Variants in AP1G1 observed in about 807,000 individuals in gnomAD.
AP1G1 encodes the protein adaptor related protein complex 1 subunit gamma 1.
Under a neutral mutation model 108.3 loss-of-function variants are expected in AP1G1, and 7 were observed. That is an observed-to-expected ratio of 0.06 (90% CI 0.04 to 0.12). The LOEUF (loss-of-function observed/expected upper bound fraction) is 0.12. AP1G1 is among the 10% of genes least tolerant of loss of function. AP1G1 has a pLI of 1.00. For missense variants in AP1G1, 756 were observed against 1,010.7 expected (o/e 0.75, Z 3.42); for synonymous variants, 379 against 353.5 (o/e 1.07, Z -0.81).
At chr16:71,756,664 G>A (rs548018496) in intron 11 of AP1G1, among the ~76,000 whole-genome samples, 180 of 152,250 alleles carry the variant, frequency 1.2e-3, no homozygotes, top group African/African-American at 4.0e-3. Context: ...ATTCAAGGCC[G>A]AGCGTGGTGG....
intron 4 of AP1G1, 24 bp from the exon 5 acceptor site, chr16:71,771,276 C>T (rs1039959106): frequency 1.1e-5 from 15 of 1,388,932 alleles, no homozygotes; most frequent in Non-Finnish European, 1.5e-5. Context: ...AATAAAAGAA[C>T]AAAAGGTTTA....
In AP1G1 at chr16:71,789,327, T is replaced by G; in HGVS notation, c.153A>C (p.Ala51=). ...EDNTYRCRNV[A]KLLYMHMLGY... ...CCAGCATGTGCATATACAGTAATTT[T>G]GCCACATTCCGACATCGGTATGTAT... The change falls in exon 2 of 23, where the codon GCA becomes GCC. Residue 51 remains alanine, a synonymous_variant. Transcript: ENST00000299980. 6.2e-7 allele frequency: 1 copy of G among 1,614,236 alleles called. No homozygotes were observed. The highest frequency in any genetic ancestry group is 1.3e-5 in the African/African-American group (1 of 75,064).
At chr16:71,782,439 C>G (rs2032056724) in intron 2 of AP1G1, among the ~76,000 whole-genome samples, 1 of 151,742 alleles carries the variant, frequency 6.6e-6, no homozygotes, top group Non-Finnish European at 1.5e-5. Flanking sequence ...ACTGAGATTA[C>G]AAGTTTAGTC....
intron 6 of AP1G1, among the ~76,000 whole-genome samples, chr16:71,768,841 C>A (rs2145479752): frequency 6.9e-6 from 1 of 145,424 alleles, no homozygotes; most frequent in Non-Finnish European, 1.5e-5. Context: ...TGGCATGAAC[C>A]CGGGAGGCGG....
At chr16:71,780,375 TCAA>T (rs1393243969) in intron 2 of AP1G1, among the ~76,000 whole-genome samples, 1 of 151,898 alleles carries the variant, frequency 6.6e-6, no homozygotes, top group African/African-American at 2.4e-5. Flanking sequence ...ACCTGTAGTC[TCAA>T]CTACTCAGGA....
At chr16:71,778,331 C>T (rs1034384671) in intron 2 of AP1G1, among the ~76,000 whole-genome samples, 1 of 152,168 alleles carries the variant, frequency 6.6e-6, no homozygotes, top group Non-Finnish European at 1.5e-5. Flanking sequence ...ACTCTGATCA[C>T]ACTTTATACT....
At chr16:71,769,401 TGA>T in intron 6 of AP1G1, 2 of 496,850 alleles carry the variant, frequency 4.0e-6, no homozygotes, top group South Asian at 3.8e-5. Context: ...CTGCCAACAA[TGA>T]GAGAAGACTT....
intron 10 of AP1G1, 33 bp downstream of exon 10, chr16:71,761,479 T>C (rs1009046801): frequency 1.4e-6 from 2 of 1,411,318 alleles, no homozygotes; most frequent in Non-Finnish European, 2.0e-6. Flanking sequence ...GCTTATAATA[T>C]CCAAGATAAA....
chr16:71,808,799 G>T lies in AP1G1; in HGVS notation c.-40C>A. On this transcript the variant is annotated 5_prime_UTR_variant, in exon 1 of 23. Transcript: ENST00000299980. ...CTCGAATGAAACCAGCAGCTCCGGG[G>T]GCGGCGGCAGCAGTGGCAGCAGGAA... is the stretch of plus-strand genomic sequence containing the variant. 7.8e-7 allele frequency: 1 copy of T among 1,289,734 alleles called. No homozygotes were observed. Among genetic ancestry groups the T allele is most frequent in the African/African-American group, 1.5e-5 (1 of 66,004 alleles). 79.9% of individuals were successfully genotyped at this position (1,289,734 alleles called of 1,614,324 possible).
At chr16:71,807,472 A>G (rs1187714249) in intron 1 of AP1G1, among the ~76,000 whole-genome samples, 1 of 152,238 alleles carries the variant, frequency 6.6e-6, no homozygotes, top group Non-Finnish European at 1.5e-5. Flanking sequence ...TTTTTATTCA[A>G]GCATGCTAGA....
chr16:71,785,296 G>C (rs541882488), intron 2 of AP1G1, among the ~76,000 whole-genome samples: 1 of 152,244 alleles, frequency 6.6e-6, no homozygotes, highest in East Asian at 1.9e-4. Flanking sequence ...CAATAACTAG[G>C]CTGGGTGTGG....
chr16:71,748,577 T>C (rs912125667), intron 15 of AP1G1, among the ~76,000 whole-genome samples, 199 bp from the exon 16 acceptor site: 1 of 152,048 alleles, frequency 6.6e-6, no homozygotes, highest in Admixed American at 6.6e-5. Flanking sequence ...AAAAGTGCTC[T>C]GGTTCTATCA....
chr16:71,802,000 C>CA (rs1481107590), intron 1 of AP1G1, among the ~76,000 whole-genome samples: 3 of 150,226 alleles, frequency 2.0e-5, no homozygotes, highest in African/African-American at 7.3e-5. Flanking sequence ...TAGGGATGTA[C>CA]AAGTGGTGTA....
intron 2 of AP1G1, among the ~76,000 whole-genome samples, chr16:71,784,194 C>CT (rs1340876055): frequency 6.6e-6 from 1 of 152,162 alleles, no homozygotes; most frequent in African/African-American, 2.4e-5. Context: ...CAAAATGTGT[C>CT]TAACACTTAT....
intron 1 of AP1G1, among the ~76,000 whole-genome samples, chr16:71,795,439 C>T (rs1282525594): frequency 6.6e-6 from 1 of 152,188 alleles, no homozygotes; most frequent in Admixed American, 6.5e-5. Context: ...ACTACTGTGT[C>T]AGTCACAGAA....
At chr16:71,796,574 T>C (rs1217292865) in intron 1 of AP1G1, among the ~76,000 whole-genome samples, 1 of 152,162 alleles carries the variant, frequency 6.6e-6, no homozygotes, top group Non-Finnish European at 1.5e-5. Context: ...TCAGTGTGTT[T>C]GATTGGTCTC....
intron 1 of AP1G1, among the ~76,000 whole-genome samples, chr16:71,807,613 G>C (rs1213936383): frequency 1.3e-5 from 2 of 152,136 alleles, no homozygotes; most frequent in East Asian, 1.9e-4. Flanking sequence ...CGGTGGAAGT[G>C]AATATTTAAA....
intron 4 of AP1G1, chr16:71,772,995 G>C (rs1233319885): frequency 4.8e-6 from 3 of 620,192 alleles, no homozygotes; most frequent in South Asian, 4.8e-5. Context: ...GATAACTTAG[G>C]AATTTGGTAT....
intron 5 of AP1G1, among the ~76,000 whole-genome samples, chr16:71,770,379 G>A (rs1018341178): frequency 6.6e-6 from 1 of 152,150 alleles, no homozygotes; most frequent in Non-Finnish European, 1.5e-5. Context: ...AAAATAAAAT[G>A]TTTGAGAAAA....
Sources: allele counts gnomAD v4.1 joint callset (sites outside exome capture counted in the v4.1 genomes callset), GRCh38; gene constraint gnomAD v4.1.1; transcripts MANE v1.5; gene names NCBI Gene and HGNC (gene_info 2026-07-23, HGNC 2026-07-21).